Variants in PIGL observed in about 807,000 individuals in gnomAD.
PIGL encodes the protein phosphatidylinositol glycan anchor biosynthesis class L, also known as N-acetylglucosaminyl-phosphatidylinositol de-N-acetylase.
A neutral mutation model predicts 31.1 loss-of-function variants in PIGL; 22 were observed. The observed-to-expected ratio is 0.71, with a 90% confidence interval of 0.51 to 1.01. The LOEUF (loss-of-function observed/expected upper bound fraction) is 1.01, where lower values mean the gene tolerates loss of function less well. PIGL is among the 50% of genes least tolerant of loss of function. The pLI is 0.00. For synonymous variants in PIGL, 131 were observed against 117.4 expected, an observed-to-expected ratio of 1.12 and a Z score of -0.75; for missense variants, 302 against 315.9, an observed-to-expected ratio of 0.96 and a Z score of 0.33.
At chr17:16,246,718 G>A (rs145604043) in intron 2 of PIGL, among the ~76,000 whole-genome samples, 4,612 of 108,526 alleles carry the variant, frequency 0.042, 95 homozygotes, top group African/African-American at 0.077. Context: ...TCGCTCTGTC[G>A]CCCAGGCCGG....
intron 6 of PIGL, among the ~76,000 whole-genome samples, chr17:16,321,315 A>G (rs2093104954): frequency 6.9e-6 from 1 of 145,098 alleles, no homozygotes; most frequent in African/African-American, 2.6e-5. Flanking sequence ...ATCTCAGATC[A>G]CTGCACCCTC....
intron 3 of PIGL, among the ~76,000 whole-genome samples, chr17:16,308,545 C>T (rs1695660362): frequency 6.6e-6 from 1 of 152,086 alleles, no homozygotes; most frequent in East Asian, 1.9e-4. Context: ...TTAGTCCCTG[C>T]TCCCATAGAG....
Position 16,217,211 on chromosome 17 carries a change from G to C in PIGL, c.-16G>C, listed in dbSNP as rs939963059. On this transcript the variant is annotated 5_prime_UTR_variant, in exon 1 of 7. Coordinates refer to ENST00000225609, the MANE Select transcript of PIGL (RefSeq NM_004278.4). ...CAGCCTTTCCTACTGCGCAGGCTCA[G>C]TGCTGCTTACCCATCATGGAAGCAA... 24 of 1,608,900 alleles carry C rather than the reference G, an allele frequency of 1.5e-5. No homozygotes were observed. Among genetic ancestry groups the C allele is most frequent in the Non-Finnish European group, 2.0e-5 (23 of 1,175,454 alleles).
chr17:16,217,273 G>A lies in PIGL; in HGVS notation c.47G>A (p.Trp16Ter). The A allele has an allele frequency of 6.2e-7, 1 of 1,614,202 alleles. No individual in the cohort carries two copies. The highest frequency in any genetic ancestry group is 8.5e-7 in the Non-Finnish European group (1 of 1,180,034). The change falls in exon 1 of 7, where the codon TGG becomes TAG. Residue 16 changes from tryptophan to a stop codon, truncating the protein, a stop_gained. Transcript: ENST00000225609. LOFTEE classifies it high-confidence loss of function. The stretch of plus-strand genomic sequence containing the variant: ...TGTGTGGCGTTGGCGGTCTTGGCAT[G>A]GGGCTTCCTCTGGGTTTGGGACTCC... ...LLCVALAVLA[W>*]GFLWVWDSSE...
chr17:16,315,192 G>C (rs1288356117), intron 4 of PIGL, among the ~76,000 whole-genome samples: 1 of 152,212 alleles, frequency 6.6e-6, no homozygotes, highest in Non-Finnish European at 1.5e-5. Flanking sequence ...AGAGGCTGGA[G>C]TGCCACAGGC....
At chr17:16,262,280 C>G (rs1032725844) in intron 2 of PIGL, among the ~76,000 whole-genome samples, 3 of 152,094 alleles carry the variant, frequency 2.0e-5, no homozygotes, top group Admixed American at 1.3e-4. Context: ...AGGCATTTCT[C>G]CAAAGAAGGT....
intron 3 of PIGL, among the ~76,000 whole-genome samples, chr17:16,304,433 T>C (rs1005280577): frequency 2.0e-4 from 30 of 152,142 alleles, no homozygotes; most frequent in Non-Finnish European, 4.1e-4. Flanking sequence ...ATAAAGACCA[T>C]AAGGAATGGC....
intron 2 of PIGL, among the ~76,000 whole-genome samples, chr17:16,281,719 GA>G (rs2092917253): frequency 6.6e-6 from 1 of 152,196 alleles, no homozygotes; most frequent in African/African-American, 2.4e-5. Context: ...ATTTTAGAAG[GA>G]ATTGGATACT....
rs1431970182 is a variant in PIGL, at chr17:16,276,554, G to A, written c.336-23334G>A. On this transcript the variant is annotated intron_variant, in intron 2 of 6. Transcript: ENST00000225609. ...TTGAGACCAGCCTAGCCAACATGGC[G>A]AAACTCTGTCTCTATGAAAAGTACA... Among the ~76,000 whole-genome samples, 11 of 152,092 alleles carry A rather than the reference G, an allele frequency of 7.2e-5. 1 individual carries two copies. The South Asian group carries it at 8.3e-4, about 11-fold the overall frequency.
intron 2 of PIGL, among the ~76,000 whole-genome samples, chr17:16,278,023 A>G (rs2092902609): frequency 6.6e-6 from 1 of 151,448 alleles, no homozygotes; most frequent in Non-Finnish European, 1.5e-5. Flanking sequence ...AAACTTCACC[A>G]TTGAATTAGT....
chr17:16,230,663 G>C (rs945338451), intron 1 of PIGL, among the ~76,000 whole-genome samples: 4 of 151,294 alleles, frequency 2.6e-5, no homozygotes, highest in Admixed American at 6.6e-5. Flanking sequence ...CTGTTACCAG[G>C]CTGGAGTGCA....
At chr17:16,320,245 G>GAGTGAGA (rs2093098276) in intron 6 of PIGL, among the ~76,000 whole-genome samples, 7 of 70,548 alleles carry the variant, frequency 9.9e-5, no homozygotes, top group African/African-American at 3.3e-4. Flanking sequence ...AAGGAAGGAA[G>GAGTGAGA]GAAGGAAAGG....
intron 2 of PIGL, 21 bp from the exon 3 acceptor site, chr17:16,299,867 A>G (rs2092996899): frequency 1.3e-6 from 2 of 1,579,042 alleles, no homozygotes; most frequent in African/African-American, 1.3e-5. Flanking sequence ...AAGGTGTTCA[A>G]GTTGTGCTTC....
intron 2 of PIGL, among the ~76,000 whole-genome samples, chr17:16,284,941 T>C (rs775808249): frequency 6.6e-6 from 1 of 152,186 alleles, no homozygotes; most frequent in Non-Finnish European, 1.5e-5. Flanking sequence ...GCAGGCAAGG[T>C]GAACCCACTG....
Position 16,217,210 on chromosome 17 carries a change from A to G in PIGL, c.-17A>G, listed in dbSNP as rs760036885. On this transcript the variant is annotated 5_prime_UTR_variant, in exon 1 of 7. Coordinates refer to ENST00000225609, the MANE Select transcript of PIGL (RefSeq NM_004278.4). The stretch of plus-strand genomic sequence containing the variant: ...GCAGCCTTTCCTACTGCGCAGGCTC[A>G]GTGCTGCTTACCCATCATGGAAGCA... 3 of 1,607,238 alleles carry G rather than the reference A, an allele frequency of 1.9e-6. No individual in the cohort carries two copies. Among genetic ancestry groups the G allele is most frequent in the Non-Finnish European group, 2.6e-6 (3 of 1,173,938 alleles).
At chr17:16,222,250 T>G (rs1250876459) in intron 1 of PIGL, among the ~76,000 whole-genome samples, 1 of 151,996 alleles carries the variant, frequency 6.6e-6, no homozygotes, top group African/African-American at 2.4e-5. Context: ...GGGGTTTAGA[T>G]TAAGGAAATC....
At chr17:16,243,247 A>C (rs971997766) in intron 2 of PIGL, among the ~76,000 whole-genome samples, 1 of 152,060 alleles carries the variant, frequency 6.6e-6, no homozygotes, top group African/African-American at 2.4e-5. Context: ...ATAGGGTTTC[A>C]CCATGTTGGC....
intron 1 of PIGL, among the ~76,000 whole-genome samples, chr17:16,233,463 C>G (rs908758887): frequency 6.6e-6 from 1 of 152,116 alleles, no homozygotes. Context: ...AAAGAGGAAG[C>G]TTTCCTAAAT....
chr17:16,306,589 C>T (rs1002714334), intron 3 of PIGL, among the ~76,000 whole-genome samples: 4 of 142,436 alleles, frequency 2.8e-5, no homozygotes, highest in Non-Finnish European at 4.5e-5. Context: ...AGTGCAATGG[C>T]GCGATCTCAG....
Sources: gnomAD v4.1 joint callset for allele counts (sites outside exome capture counted in the v4.1 genomes callset) on GRCh38, gnomAD v4.1.1 for gene constraint, MANE v1.5 for transcripts, NCBI Gene and HGNC (gene_info 2026-07-23, HGNC 2026-07-21) for gene names.